FER: variants seen among roughly 807,000 people sequenced by gnomAD.
The protein encoded by FER is FER tyrosine kinase, also known as tyrosine-protein kinase Fer.
FER carries 63 observed loss-of-function variants against 111.0 expected under a neutral mutation model. The ratio of observed to expected loss-of-function variants is 0.57; its 90% CI spans 0.46 to 0.70. The LOEUF is 0.70. Ranked by LOEUF, FER falls within the 30% of genes least tolerant of loss-of-function variation. FER has a pLI of 0.00. For synonymous variants in FER, 327 were observed against 313.9 expected (o/e 1.04, Z -0.44); for missense variants, 914 against 954.0 (o/e 0.96, Z 0.55).
At chr5:109,096,131 C>T (rs1481936647) in intron 16 of FER, among the ~76,000 whole-genome samples, 1 of 151,862 alleles carries the variant, frequency 6.6e-6, no homozygotes, top group Non-Finnish European at 1.5e-5. Context: ...CCTCTGAGCC[C>T]CATTAATACT....
At chr5:109,059,737 G>A (rs1774138696) in intron 16 of FER, among the ~76,000 whole-genome samples, 3 of 152,308 alleles carry the variant, frequency 2.0e-5, no homozygotes, top group Middle Eastern at 6.8e-3. Flanking sequence ...CTGGTAGAAT[G>A]TAAAATGATG....
intron 13 of FER, among the ~76,000 whole-genome samples, chr5:109,009,703 A>G (rs895873519): frequency 2.0e-5 from 3 of 152,168 alleles, no homozygotes; most frequent in Admixed American, 6.5e-5. Flanking sequence ...CTTAAAAAAT[A>G]ATGTTTTATG....
At chr5:108,815,931 T>C (rs1758222965) in intron 3 of FER, among the ~76,000 whole-genome samples, 1 of 152,148 alleles carries the variant, frequency 6.6e-6, no homozygotes, top group Non-Finnish European at 1.5e-5. Flanking sequence ...TTTGAAAACA[T>C]TGAAATCTTG....
At chr5:109,022,796 T>A (rs1304173250) in intron 13 of FER, among the ~76,000 whole-genome samples, 1 of 151,920 alleles carries the variant, frequency 6.6e-6, no homozygotes, top group Admixed American at 6.6e-5. Context: ...GTATAGAGGA[T>A]CAAAATCAAC....
chr5:108,771,667 C>T (rs543994065), intron 2 of FER, among the ~76,000 whole-genome samples: 2 of 152,244 alleles, frequency 1.3e-5, no homozygotes, highest in South Asian at 4.1e-4. Context: ...CAATGAACAC[C>T]TATATTACCT....
chr5:108,900,185 G>A (rs955899640), intron 10 of FER, among the ~76,000 whole-genome samples: 5 of 152,064 alleles, frequency 3.3e-5, no homozygotes, highest in Non-Finnish European at 5.9e-5. Flanking sequence ...ATAAGACAGG[G>A]CATTCTTACA....
At chr5:109,132,010 A>T (rs1420125476) in intron 17 of FER, among the ~76,000 whole-genome samples, 2 of 152,206 alleles carry the variant, frequency 1.3e-5, no homozygotes, top group African/African-American at 4.8e-5. Context: ...TGCAAGAATT[A>T]TATGAGATAA....
intron 13 of FER, among the ~76,000 whole-genome samples, chr5:109,008,334 C>T (rs888345577): frequency 6.6e-6 from 1 of 152,196 alleles, no homozygotes; most frequent in Non-Finnish European, 1.5e-5. Context: ...CTCCCCATTT[C>T]CCACAGCTAT....
Position 108,990,421 on chromosome 5 carries a change from A to G in FER, c.1656+31074A>G, listed in dbSNP as rs905428276. Among the ~76,000 whole-genome samples the G allele has an allele frequency of 9.9e-5, 15 of 152,012 alleles. No individual in the cohort carries two copies. The East Asian group carries it at 2.7e-3, about 27-fold the overall frequency. Reference sequence around the variant, plus strand: ...TATCAATATTTCAGCTTAGAAAATTAGATACAACTTGTATCTCTATTGGTG... The same window carrying G: ...TATCAATATTTCAGCTTAGAAAATTGGATACAACTTGTATCTCTATTGGTG... On this transcript the variant is annotated intron_variant, in intron 13 of 19. Transcript: ENST00000281092.
At chr5:108,884,707 C>T (rs1001117936) in intron 9 of FER, among the ~76,000 whole-genome samples, 5 of 151,902 alleles carry the variant, frequency 3.3e-5, no homozygotes, top group African/African-American at 1.2e-4. Context: ...TTTAAATCTC[C>T]ATATTTTTTC....
At chr5:108,823,791 C>T (rs1189318007) in intron 3 of FER, among the ~76,000 whole-genome samples, 1 of 152,074 alleles carries the variant, frequency 6.6e-6, no homozygotes, top group Admixed American at 6.6e-5. Flanking sequence ...TGCAGTCTCA[C>T]TTGTTTAATT....
intron 2 of FER, chr5:108,785,454 C>T (rs1357040137): frequency 6.9e-6 from 4 of 578,372 alleles, no homozygotes; most frequent in Non-Finnish European, 1.4e-5. Flanking sequence ...GCAGAACCAC[C>T]CCAGTGTACC....
chr5:108,817,688 G>A (rs1002210047), intron 3 of FER, among the ~76,000 whole-genome samples: 1 of 152,106 alleles, frequency 6.6e-6, no homozygotes, highest in Non-Finnish European at 1.5e-5. Flanking sequence ...TAAACTCAGA[G>A]CACTTAAATT....
At chr5:108,902,435 A>G (rs972074362) in intron 10 of FER, among the ~76,000 whole-genome samples, 1 of 152,184 alleles carries the variant, frequency 6.6e-6, no homozygotes, top group African/African-American at 2.4e-5. Flanking sequence ...GAAGTGTACC[A>G]TGGAGAAGTG....
chr5:108,955,732 A>G (rs904265987), intron 12 of FER, among the ~76,000 whole-genome samples: 28 of 151,804 alleles, frequency 1.8e-4, no homozygotes, highest in Non-Finnish European at 2.9e-4. Context: ...TTTTATGTTG[A>G]GAGACTAGGG....
chr5:108,765,216 T>A (rs1752186408), intron 1 of FER, among the ~76,000 whole-genome samples: 2 of 152,184 alleles, frequency 1.3e-5, no homozygotes, highest in Non-Finnish European at 1.5e-5. Flanking sequence ...GGAATATAAT[T>A]TTTTTGATTC....
chr5:109,160,574 A>T (rs191855909), intron 17 of FER, among the ~76,000 whole-genome samples: 4 of 152,250 alleles, frequency 2.6e-5, no homozygotes, highest in Non-Finnish European at 4.4e-5. Context: ...TGCTAAATAA[A>T]TTCATCCAAT....
At chr5:108,903,907 T>G (rs1750386854) in intron 10 of FER, among the ~76,000 whole-genome samples, 1 of 152,236 alleles carries the variant, frequency 6.6e-6, no homozygotes, top group African/African-American at 2.4e-5. Context: ...AGAGGTAATC[T>G]TCCAGAAGTG....
chr5:108,907,988 G>A (rs1376290084), intron 10 of FER, among the ~76,000 whole-genome samples: 1 of 152,146 alleles, frequency 6.6e-6, no homozygotes, highest in Non-Finnish European at 1.5e-5. Flanking sequence ...GCAAGTTCAT[G>A]CAGAAAAGGT....
Sources: gnomAD v4.1 joint callset for allele counts (sites outside exome capture counted in the v4.1 genomes callset) on GRCh38, gnomAD v4.1.1 for gene constraint, MANE v1.5 for transcripts, NCBI Gene and HGNC (gene_info 2026-07-23, HGNC 2026-07-21) for gene names.